PDCD7: variants seen among roughly 807,000 people sequenced by gnomAD.
PDCD7 encodes programmed cell death 7, also known as programmed cell death protein 7.
Under a neutral mutation model 42.1 loss-of-function variants are expected in PDCD7, and 40 were observed. The ratio of observed to expected loss-of-function variants is 0.95; its 90% CI spans 0.74 to 1.24. PDCD7 has a LOEUF of 1.24. Ranked by LOEUF, PDCD7 falls within the 50% of genes most tolerant of loss-of-function variation. PDCD7 has a pLI of 0.00. For missense variants in PDCD7, 644 were observed against 662.8 expected, an observed-to-expected ratio of 0.97 and a Z score of 0.31; for synonymous variants, 299 against 303.3, an observed-to-expected ratio of 0.99 and a Z score of 0.15.
intron 2 of PDCD7, among the ~76,000 whole-genome samples, chr15:65,121,342 C>T (rs1231162800): frequency 3.9e-5 from 6 of 152,156 alleles, no homozygotes; most frequent in Non-Finnish European, 8.8e-5. Flanking sequence ...CGTGAACCAC[C>T]ATACCTGGCT....
chr15:65,132,414 G>C (rs2087548136), intron 1 of PDCD7, among the ~76,000 whole-genome samples: 1 of 151,906 alleles, frequency 6.6e-6, no homozygotes, highest in Non-Finnish European at 1.5e-5. Context: ...ACCACGCATG[G>C]CTAATTTTTG....
chr15:65,132,806 G>T (rs1037249586), intron 1 of PDCD7, 106 bp downstream of exon 1: 1 of 1,496,116 alleles, frequency 6.7e-7, no homozygotes, highest in East Asian at 2.3e-5. Flanking sequence ...TTCATTTTGC[G>T]CGTAAAACAG....
At chr15:65,129,915 A>ATTTTTTT (rs746709395) in intron 1 of PDCD7, among the ~76,000 whole-genome samples, 1 of 84,956 alleles carries the variant, frequency 1.2e-5, no homozygotes, top group Non-Finnish European at 2.4e-5. Context: ...GAAACTTTGT[A>ATTTTTTT]TTTTTTTTTT....
chr15:65,123,359 T>G (rs898121016), intron 2 of PDCD7, among the ~76,000 whole-genome samples: 1 of 152,170 alleles, frequency 6.6e-6, no homozygotes, highest in African/African-American at 2.4e-5. Flanking sequence ...AGCTAATTTC[T>G]GTATTTTTAG....
intron 1 of PDCD7, among the ~76,000 whole-genome samples, chr15:65,130,618 C>T (rs2087532031): frequency 6.6e-6 from 1 of 152,168 alleles, no homozygotes. Flanking sequence ...TTCACTTCTC[C>T]ATTTGGATTA....
At chr15:65,120,070 T>C in intron 2 of PDCD7, 116 bp from the exon 3 acceptor site, 1 of 1,120,572 alleles carries the variant, frequency 8.9e-7, no homozygotes, top group Non-Finnish European at 1.3e-6. Context: ...AACTTCAAAC[T>C]CCTGGGCTCA....
chr15:65,120,999 T>G (rs529912194), intron 2 of PDCD7, among the ~76,000 whole-genome samples: 2 of 152,146 alleles, frequency 1.3e-5, no homozygotes, highest in East Asian at 3.9e-4. Flanking sequence ...CTACCCTGAC[T>G]TTCTCAACTC....
chr15:65,129,521 C>T (rs1298591726), intron 1 of PDCD7, among the ~76,000 whole-genome samples: 2 of 152,132 alleles, frequency 1.3e-5, no homozygotes, highest in Non-Finnish European at 2.9e-5. Flanking sequence ...ATTCCCTAGA[C>T]CTGAAGATTC....
chr15:65,131,711 T>C (rs957764566), intron 1 of PDCD7, among the ~76,000 whole-genome samples: 2 of 152,054 alleles, frequency 1.3e-5, no homozygotes, highest in African/African-American at 2.4e-5. Flanking sequence ...ATCATGCCAT[T>C]GCACTCCAGC....
Position 65,132,965 on chromosome 15 carries a change from C to T in PDCD7, c.817G>A (p.Glu273Lys). 1 of 1,606,428 alleles carries T rather than the reference C, an allele frequency of 6.2e-7. No individual in the cohort carries two copies. ...EAARAVEREQ[E>K]IDRWRVKCVQ... ...CACTTCACCCTCCAGCGGTCAATCT[C>T]CTGCTCGCGTTCCACTGCCCGCGCG... The change falls in exon 1 of 5, where the codon GAG becomes AAG. Residue 273 changes from glutamate to lysine, a missense_variant. By Grantham distance (56) the Glu-to-Lys change is moderately conservative (BLOSUM62 1). Coordinates refer to ENST00000204549, the MANE Select transcript of PDCD7 (RefSeq NM_005707.2).
At chr15:65,129,877 C>T (rs2087525063) in intron 1 of PDCD7, among the ~76,000 whole-genome samples, 1 of 151,582 alleles carries the variant, frequency 6.6e-6, no homozygotes, top group Admixed American at 6.6e-5. Flanking sequence ...ATGACAAACC[C>T]GCTGCACTCC....
intron 1 of PDCD7, among the ~76,000 whole-genome samples, chr15:65,132,271 G>T (rs2087546325): frequency 6.6e-6 from 1 of 151,256 alleles, no homozygotes; most frequent in Non-Finnish European, 1.5e-5. Flanking sequence ...CTTGAGGTAG[G>T]GTCCCCAAGT....
rs766081249 is a variant in PDCD7 at position 65,118,774 on chromosome 15, C to G, written c.1401G>C (p.Trp467Cys). The change falls in exon 5 of 5, where the codon TGG becomes TGC. Residue 467 changes from tryptophan (W) to cysteine (C), a missense_variant. Trp to Cys is a radical substitution (Grantham distance 215). Coordinates refer to ENST00000204549, the MANE Select transcript of PDCD7 (RefSeq NM_005707.2). ...CGTTGCTGGGGAGCGGGGGAAGGACCCATCCTTGGGGAACGAAGTTGCCTT... is the reference window on the plus strand; with the variant it reads ...CGTTGCTGGGGAGCGGGGGAAGGACGCATCCTTGGGGAACGAAGTTGCCTT... Reference protein sequence around the residue: ...HPKGNFVPQGWVLPPLPSNDI... With the variant: ...HPKGNFVPQGCVLPPLPSNDI... The G allele has an allele frequency of 3.1e-6, 5 of 1,610,758 alleles. No individual in the cohort carries two copies. The South Asian group carries it at 4.4e-5, about 14-fold the overall frequency.
intron 4 of PDCD7, 78 bp downstream of exon 4, chr15:65,119,298 C>T: frequency 2.2e-6 from 2 of 911,590 alleles, no homozygotes. Context: ...CAGTAATAGA[C>T]CTAAACAATG....
chr15:65,133,731 C>T lies in PDCD7; in HGVS notation c.51G>A (p.Pro17=). ...CGAAAGGAGCAGGAGGCGGCGGCTG[C>T]GGGGGCGGTGGGCCTGGGCGACCCT... ...FGQGRPGPPP[P]QPPPPAPFGC... The change falls in exon 1 of 5, where the codon CCG becomes CCA. Residue 17 remains proline, a synonymous_variant. Coordinates refer to ENST00000204549, the MANE Select transcript of PDCD7 (RefSeq NM_005707.2). 3.1e-6 allele frequency: 4 copies of T among 1,307,642 alleles called. No individual in the cohort carries two copies. Among genetic ancestry groups the T allele is most frequent in the South Asian group, 4.8e-5 (2 of 41,284 alleles). The allele number at this position is 1,307,642 out of a possible 1,614,324, so 81.0% of individuals were successfully genotyped here.
rs1002132278 is a variant in PDCD7, at chr15:65,125,902, T to G, written c.1009+3130A>C. On this transcript the variant is annotated intron_variant, in intron 2 of 4. Coordinates refer to ENST00000204549, the MANE Select transcript of PDCD7 (RefSeq NM_005707.2). ...GAGGCTTCACAATCATGGCGGAAGG[T>G]GAAGGAGGAGCAAAGTTATATCTTA... is the stretch of plus-strand genomic sequence containing the variant. 9.1e-4 allele frequency among the ~76,000 whole-genome samples: 139 copies of G among 152,086 alleles called. 1 individual carries two copies. The highest frequency in any genetic ancestry group is 1.0e-4 in the Non-Finnish European group (7 of 68,014).
intron 4 of PDCD7, 85 bp downstream of exon 4, chr15:65,119,291 T>A (rs917562702): frequency 2.4e-6 from 2 of 819,460 alleles, no homozygotes; most frequent in African/African-American, 3.5e-5. Flanking sequence ...AAAAAGACAG[T>A]AATAGACCTA....
chr15:65,119,017 G>C (rs1389004650), intron 4 of PDCD7, 177 bp from the exon 5 acceptor site: 3 of 474,588 alleles, frequency 6.3e-6, no homozygotes, highest in Non-Finnish European at 3.6e-6. Context: ...TATAAAAAGA[G>C]GAAAAACTCT....
chr15:65,130,937 CACCTATAG>C (rs1282544313), intron 1 of PDCD7, among the ~76,000 whole-genome samples: 2 of 152,126 alleles, frequency 1.3e-5, no homozygotes, highest in African/African-American at 4.8e-5. Context: ...GCTTTTACAG[CACCTATAG>C]TTGAATTCCT....
Sources: allele counts gnomAD v4.1 joint callset (sites outside exome capture counted in the v4.1 genomes callset), GRCh38; gene constraint gnomAD v4.1.1; transcripts MANE v1.5; gene names NCBI Gene and HGNC (gene_info 2026-07-23, HGNC 2026-07-21).